Variants in ANXA8 observed in about 807,000 individuals in gnomAD.
ANXA8 encodes the protein annexin A8, also known as VAC-beta.
In ANXA8, 9 loss-of-function variants were observed where a neutral mutation model predicts 26.8. The observed-to-expected ratio is 0.34, with a 90% CI of 0.20 to 0.59. The LOEUF is 0.59. Ranked by LOEUF, ANXA8 falls within the 20% of genes least tolerant of loss-of-function variation. The pLI is 0.84. For synonymous variants in ANXA8, 39 were observed against 94.8 expected (o/e 0.41, Z 3.42); for missense variants, 83 against 238.5 (o/e 0.35, Z 4.29).
At chr10:47,488,786 G>A (rs1840092216), upstream of ANXA8, among the ~76,000 whole-genome samples, 1 of 126,350 alleles carries the variant, frequency 7.9e-6, no homozygotes, top group Admixed American at 9.8e-5. Context: ...GGAGTGCAGT[G>A]TCGCGATCTC....
At chr10:47,502,005 A>C in the ANXA8 span, 1 of 1,354,602 alleles carries the variant, frequency 7.4e-7, no homozygotes, top group Non-Finnish European at 1.0e-6. Flanking sequence ...TCCTTTTGAA[A>C]TTCTGAGTTA....
chr10:47,470,294 C>T (rs1184357928), intron 11 of ANXA8, among the ~76,000 whole-genome samples: 37 of 150,770 alleles, frequency 2.5e-4, no homozygotes, highest in Non-Finnish European at 4.1e-4. Flanking sequence ...TAAGTAACAA[C>T]ATTAGATAAA....
At chr10:47,722,936 A>T in the ANXA8 span, among the ~76,000 whole-genome samples, 1 of 140,498 alleles carries the variant, frequency 7.1e-6, no homozygotes, top group Non-Finnish European at 1.6e-5. Context: ...AGTTTGCAAG[A>T]TGTAGTGATT....
At chr10:47,969,804 T>C in the ANXA8 span, among the ~76,000 whole-genome samples, 1 of 151,086 alleles carries the variant, frequency 6.6e-6, no homozygotes, top group African/African-American at 2.4e-5. Flanking sequence ...CAGGCTTCAA[T>C]TCCTGTCCTC....
chr10:47,681,145 G>A, the ANXA8 span, among the ~76,000 whole-genome samples: 3 of 151,834 alleles, frequency 2.0e-5, no homozygotes, highest in Non-Finnish European at 4.4e-5. Flanking sequence ...CCAGGCAGTA[G>A]CAGGTGGAGG....
the ANXA8 span, among the ~76,000 whole-genome samples, chr10:47,678,885 A>C: frequency 4.4e-5 from 6 of 136,812 alleles, no homozygotes; most frequent in Admixed American, 4.6e-4. Flanking sequence ...TCTACTAAAA[A>C]TACAAAAATT....
chr10:47,614,062 G>A, the ANXA8 span, among the ~76,000 whole-genome samples: 5 of 74,144 alleles, frequency 6.7e-5, 2 homozygotes, highest in South Asian at 7.1e-4. Context: ...CTGAAAATTC[G>A]ATTATTTTTT....
chr10:47,928,998 T>C, the ANXA8 span, among the ~76,000 whole-genome samples: 1 of 23,888 alleles, frequency 4.2e-5, no homozygotes, highest in African/African-American at 1.7e-4. Context: ...TGGTTTTCCT[T>C]TTTTTTTTCC....
At chr10:47,597,561 TTAAGA>T in the ANXA8 span, among the ~76,000 whole-genome samples, 1 of 144,686 alleles carries the variant, frequency 6.9e-6, no homozygotes, top group African/African-American at 2.8e-5. Context: ...CAGTAAAGTT[TTAAGA>T]TAAGAAATCA....
the ANXA8 span, among the ~76,000 whole-genome samples, chr10:47,737,548 A>G: frequency 1.9e-3 from 296 of 152,010 alleles, 5 homozygotes; most frequent in South Asian, 0.013. Flanking sequence ...CCAGAACCAT[A>G]CAGTTAGAAT....
the ANXA8 span, among the ~76,000 whole-genome samples, chr10:47,653,494 T>C: frequency 6.6e-6 from 1 of 151,804 alleles, no homozygotes; most frequent in Non-Finnish European, 1.5e-5. Context: ...TTTCTGGCTT[T>C]AATAACTCCA....
the ANXA8 span, among the ~76,000 whole-genome samples, chr10:47,496,682 A>G: frequency 2.1e-5 from 3 of 145,128 alleles, no homozygotes; most frequent in East Asian, 2.4e-4. Context: ...CAGTTCCTCA[A>G]TCTTTCCTTA....
chr10:47,674,983 G>A, the ANXA8 span, among the ~76,000 whole-genome samples: 1 of 148,402 alleles, frequency 6.7e-6, no homozygotes, highest in East Asian at 2.0e-4. Context: ...TTTAGTATAT[G>A]CTTTATCTAG....
the ANXA8 span, among the ~76,000 whole-genome samples, chr10:47,530,618 G>A: frequency 1.9e-4 from 29 of 151,214 alleles, no homozygotes; most frequent in African/African-American, 3.7e-4. Flanking sequence ...CCTTGAACCC[G>A]GGAGGCAGAG....
chr10:47,577,517 T>TA, the ANXA8 span, among the ~76,000 whole-genome samples: 6 of 131,378 alleles, frequency 4.6e-5, no homozygotes, highest in African/African-American at 5.9e-5. Flanking sequence ...AAATATAAAT[T>TA]AAAAAAATTA....
chr10:47,699,352 A>G, the ANXA8 span, among the ~76,000 whole-genome samples: 1 of 147,164 alleles, frequency 6.8e-6, no homozygotes, highest in African/African-American at 2.5e-5. Flanking sequence ...TCCAAAAAAA[A>G]AAAAAAAAAA....
At chr10:47,939,303 C>CAAAA in the ANXA8 span, among the ~76,000 whole-genome samples, 2 of 81,168 alleles carry the variant, frequency 2.5e-5, no homozygotes, top group Non-Finnish European at 4.3e-5. Context: ...AACTCTGTCT[C>CAAAA]AAAAAAAAAA....
chr10:47,552,102 C>A, the ANXA8 span: 88 of 176,798 alleles, frequency 5.0e-4, 1 homozygote, highest in Non-Finnish European at 8.6e-4. Flanking sequence ...TTAACCATCC[C>A]CAATTTCATT....
At chr10:47,733,149 CTTTCTTTCTTTCTT>C in the ANXA8 span, among the ~76,000 whole-genome samples, 8 of 68,280 alleles carry the variant, frequency 1.2e-4, no homozygotes, top group African/African-American at 4.2e-4. Context: ...CCTAATCTTT[CTTTCTTTCTTTCTT>C]TCTTTCTTTC....
Sources: allele counts gnomAD v4.1 joint callset (sites outside exome capture counted in the v4.1 genomes callset), GRCh38; gene constraint gnomAD v4.1.1; transcripts MANE v1.5; gene names NCBI Gene and HGNC (gene_info 2026-07-23, HGNC 2026-07-21).